The following VPS26A variants were observed in gnomAD, a reference collection of about 807,000 sequenced individuals.
VPS26A encodes the protein VPS26 retromer complex component A, also known as vacuolar protein sorting-associated protein 26A.
VPS26A carries 22 observed loss-of-function variants against 42.4 expected under a neutral mutation model. The observed-to-expected ratio is 0.52, with a 90% CI of 0.37 to 0.74. VPS26A has a LOEUF of 0.74. Among genes scored for constraint, VPS26A ranks in the 30% least tolerant of loss-of-function variants. The pLI is 0.00. For synonymous variants in VPS26A, 110 were observed against 123.5 expected (o/e 0.89, Z 0.73); for missense variants, 276 against 379.2 (o/e 0.73, Z 2.26).
At chr10:69,149,224 T>C (rs1478874512) in intron 2 of VPS26A, among the ~76,000 whole-genome samples, 1 of 152,150 alleles carries the variant, frequency 6.6e-6, no homozygotes, top group African/African-American at 2.4e-5. Flanking sequence ...CATCAATCAG[T>C]ATTGGGACAA....
intron 2 of VPS26A, among the ~76,000 whole-genome samples, chr10:69,140,436 G>A (rs760621716): frequency 7.9e-5 from 12 of 152,118 alleles, no homozygotes; most frequent in Non-Finnish European, 1.5e-4. Flanking sequence ...GCAGTGGCAC[G>A]ATTTCAGCTC....
intron 2 of VPS26A, among the ~76,000 whole-genome samples, chr10:69,145,029 AAATT>A (rs1266988164): frequency 6.6e-6 from 1 of 151,718 alleles, no homozygotes; most frequent in African/African-American, 2.4e-5. Context: ...TTATTTAATT[AAATT>A]AATTAATTAA....
At chr10:69,152,411 C>A (rs1012666063) in intron 2 of VPS26A, among the ~76,000 whole-genome samples, 3 of 152,098 alleles carry the variant, frequency 2.0e-5, no homozygotes, top group East Asian at 3.8e-4. Context: ...ATTAAAAATT[C>A]TTTATCATTA....
chr10:69,126,356 C>T (rs1840653797), intron 1 of VPS26A, among the ~76,000 whole-genome samples: 1 of 152,056 alleles, frequency 6.6e-6, no homozygotes, highest in Non-Finnish European at 1.5e-5. Context: ...GCTGTAGTCC[C>T]ACCTACTCGG....
intron 1 of VPS26A, among the ~76,000 whole-genome samples, chr10:69,129,213 T>C (rs1032965733): frequency 2.6e-5 from 4 of 152,068 alleles, no homozygotes; most frequent in Non-Finnish European, 2.9e-5. Flanking sequence ...TCATGATTGC[T>C]CCTCCCACAC....
intron 6 of VPS26A, among the ~76,000 whole-genome samples, chr10:69,163,359 A>G (rs552159150): frequency 3.9e-5 from 6 of 152,182 alleles, no homozygotes; most frequent in Admixed American, 1.3e-4. Flanking sequence ...GGCTCAAGCT[A>G]TCCTCCCACC....
chr10:69,125,972 A>G (rs1380790812), intron 1 of VPS26A, among the ~76,000 whole-genome samples: 2 of 152,224 alleles, frequency 1.3e-5, no homozygotes, highest in Admixed American at 6.5e-5. Context: ...AGTCAGTGAT[A>G]GGAGGTTTAG....
intron 2 of VPS26A, among the ~76,000 whole-genome samples, chr10:69,143,727 A>T (rs79429161): frequency 0.017 from 2,594 of 151,992 alleles, 65 homozygotes; most frequent in African/African-American, 0.058. Context: ...ATTAAATTTA[A>T]TTTTTTTGAG....
chr10:69,146,957 G>A (rs1841172851), intron 2 of VPS26A, among the ~76,000 whole-genome samples: 1 of 152,090 alleles, frequency 6.6e-6, no homozygotes, highest in African/African-American at 2.4e-5. Context: ...GAATTGCTGG[G>A]TCATATGTTA....
At chr10:69,135,386 G>A (rs1208350852) in intron 2 of VPS26A, among the ~76,000 whole-genome samples, 1 of 152,076 alleles carries the variant, frequency 6.6e-6, no homozygotes, top group African/African-American at 2.4e-5. Flanking sequence ...GGAAAAGGGG[G>A]GTGTTTAAAG....
At chr10:69,156,021 G>T in intron 3 of VPS26A, 134 bp downstream of exon 3, 1 of 646,270 alleles carries the variant, frequency 1.5e-6, no homozygotes, top group South Asian at 2.1e-5. Context: ...ATAAAAGAGA[G>T]GATTTACTTT....
intron 2 of VPS26A, among the ~76,000 whole-genome samples, chr10:69,146,202 CTCT>C (rs1841156600): frequency 6.6e-6 from 1 of 152,164 alleles, no homozygotes; most frequent in Non-Finnish European, 1.5e-5. Context: ...TCAAGCAATT[CTCT>C]TGCCTCAGCC....
intron 2 of VPS26A, among the ~76,000 whole-genome samples, chr10:69,152,052 A>T (rs1454331124): frequency 6.6e-6 from 1 of 151,784 alleles, no homozygotes; most frequent in Non-Finnish European, 1.5e-5. Flanking sequence ...GACCCTGTAT[A>T]AAAAAAATTA....
chr10:69,148,354 C>T (rs530515489), intron 2 of VPS26A, among the ~76,000 whole-genome samples: 5 of 152,028 alleles, frequency 3.3e-5, no homozygotes, highest in African/African-American at 1.2e-4. Context: ...TTCCCTGTTG[C>T]AAAAGTCAAC....
At chr10:69,136,423 T>C (rs1840911925) in intron 2 of VPS26A, among the ~76,000 whole-genome samples, 1 of 150,790 alleles carries the variant, frequency 6.6e-6, no homozygotes. Flanking sequence ...CGCCACGACA[T>C]CCGGCTAATT....
chr10:69,169,298 A>G (rs1394069300), intron 8 of VPS26A, among the ~76,000 whole-genome samples: 2 of 151,972 alleles, frequency 1.3e-5, no homozygotes, highest in African/African-American at 4.8e-5. Flanking sequence ...GGATCTTCCA[A>G]GCAATCCTCC....
chr10:69,127,525 C>T (rs1005789131), intron 1 of VPS26A, among the ~76,000 whole-genome samples: 8 of 150,676 alleles, frequency 5.3e-5, no homozygotes, highest in Non-Finnish European at 1.2e-4. Context: ...TGCACTCCGG[C>T]CTGGGCGAAA....
At chr10:69,166,708 C>T (rs1841694793) in intron 7 of VPS26A, among the ~76,000 whole-genome samples, 1 of 152,162 alleles carries the variant, frequency 6.6e-6, no homozygotes, top group South Asian at 2.1e-4. Flanking sequence ...CCTTATGATG[C>T]ATGTATGTGT....
chr10:69,155,334 G>A (rs912562723), intron 2 of VPS26A, among the ~76,000 whole-genome samples: 28 of 152,240 alleles, frequency 1.8e-4, no homozygotes, highest in Non-Finnish European at 3.5e-4. Context: ...TGATTTGACC[G>A]ACAAATTTCT....
Sources: allele counts gnomAD v4.1 joint callset (sites outside exome capture counted in the v4.1 genomes callset), GRCh38; gene constraint gnomAD v4.1.1; transcripts MANE v1.5; gene names NCBI Gene and HGNC (gene_info 2026-07-23, HGNC 2026-07-21).